Variants in PRKCH observed in about 807,000 individuals in gnomAD.
PRKCH encodes protein kinase C eta type.
A neutral mutation model predicts 82.5 loss-of-function variants in PRKCH; 28 were observed. That is an observed-to-expected ratio of 0.34 (90% CI 0.25 to 0.47). The LOEUF is 0.47. Ranked by LOEUF, PRKCH falls within the 20% of genes least tolerant of loss-of-function variation. The pLI is 1.00. For missense variants in PRKCH, 705 were observed against 881.8 expected (o/e 0.80, Z 2.54); for synonymous variants, 322 against 327.4 (o/e 0.98, Z 0.18).
chr14:61,485,384 T>C (rs1472808163), intron 9 of PRKCH, 118 bp from the exon 10 acceptor site: 30 of 1,314,510 alleles, frequency 2.3e-5, no homozygotes, highest in Admixed American at 4.3e-5. Context: ...GGATGTTTCC[T>C]GGAATACATC....
chr14:61,461,036 A>C (rs2140299829), intron 9 of PRKCH, among the ~76,000 whole-genome samples: 1 of 152,176 alleles, frequency 6.6e-6, no homozygotes, highest in East Asian at 1.9e-4. Context: ...GAGAAAAAAA[A>C]ATGGGGAGGC....
chr14:61,234,326 A>G (rs1204792543), intron 1 of PRKCH, among the ~76,000 whole-genome samples: 1 of 151,924 alleles, frequency 6.6e-6, no homozygotes, highest in Non-Finnish European at 1.5e-5. Context: ...TAAGGGGGGG[A>G]AATTGAGCTG....
intron 1 of PRKCH, among the ~76,000 whole-genome samples, chr14:61,337,994 C>T (rs75902459): frequency 0.016 from 2,483 of 152,232 alleles, 60 homozygotes; most frequent in African/African-American, 0.056. Flanking sequence ...GTCTCCTTGC[C>T]GGGCCTCCTC....
Position 61,244,663 on chromosome 14 carries a change from G to C in PRKCH, c.-19+56995G>C, listed in dbSNP as rs191370663. 3.0e-3 allele frequency among the ~76,000 whole-genome samples: 455 copies of C among 152,314 alleles called. 4 individuals carry two copies. The highest frequency in any genetic ancestry group is 0.011 in the African/African-American group (444 of 41,566). On this transcript the variant is annotated intron_variant, in intron 1 of 3. Transcript: ENST00000555185. Reference sequence around the variant, plus strand: ...GGTCCTGGAATAACTCAGAGGTTTAGTGGACTCTGGAGCCACAGTAACGGG... The same window carrying C: ...GGTCCTGGAATAACTCAGAGGTTTACTGGACTCTGGAGCCACAGTAACGGG...
intron 2 of PRKCH, among the ~76,000 whole-genome samples, chr14:61,441,727 A>AT (rs76602358): frequency 0.067 from 8,544 of 127,050 alleles, 414 homozygotes; most frequent in African/African-American, 0.14. Flanking sequence ...TCTGCTTTGT[A>AT]TTTTTTTTTT....
chr14:61,461,395 C>T (rs1885020940), intron 9 of PRKCH, among the ~76,000 whole-genome samples: 1 of 152,296 alleles, frequency 6.6e-6, no homozygotes, highest in South Asian at 2.1e-4. Context: ...TGGTTGCCCG[C>T]CGGGGTTTCA....
Position 61,219,596 on chromosome 14 carries a change from A to G in PRKCH, c.-19+31928A>G, listed in dbSNP as rs542415405. Among the ~76,000 whole-genome samples, 3 of 152,332 alleles carry G rather than the reference A, an allele frequency of 2.0e-5. No individual in the cohort carries two copies. In the South Asian group the frequency reaches 6.2e-4, roughly 32 times the overall value. On this transcript the variant is annotated intron_variant, in intron 1 of 3. Coordinates refer to the PRKCH transcript ENST00000555185. ...CTATAAGCCAGAGGCTGAATGCTTA[A>G]AATGTTGTCATTATATAGATCAGTT...
intron 1 of PRKCH, among the ~76,000 whole-genome samples, chr14:61,337,441 G>A (rs1401976632): frequency 3.3e-5 from 5 of 152,036 alleles, no homozygotes; most frequent in Admixed American, 2.6e-4. Flanking sequence ...TACAGAGATA[G>A]GATCTTACTC....
At chr14:61,206,277 C>T (rs932783139) in intron 1 of PRKCH, among the ~76,000 whole-genome samples, 4 of 152,196 alleles carry the variant, frequency 2.6e-5, no homozygotes, top group African/African-American at 7.2e-5. Flanking sequence ...GGCTGCAGTT[C>T]CTCTGAAGGC....
chr14:61,521,815 C>G lies in PRKCH; in HGVS notation c.1434-7260C>G, dbSNP rs77209328. ...GGCCCCACTCTCTAGGCACACAGCT[C>G]TGCTACCCTACTCTAAGTATAATTT... On this transcript the variant is annotated intron_variant, in intron 10 of 13. Coordinates refer to ENST00000332981, the MANE Select transcript of PRKCH (RefSeq NM_006255.5). Among the ~76,000 whole-genome samples the G allele has an allele frequency of 0.026, 3,898 of 152,194 alleles. 214 individuals are homozygous for G. The East Asian group carries it at 0.27, about 10-fold the overall frequency.
intron 3 of PRKCH, among the ~76,000 whole-genome samples, chr14:61,443,813 A>G (rs1408735838): frequency 6.6e-6 from 1 of 152,236 alleles, no homozygotes; most frequent in Non-Finnish European, 1.5e-5. Flanking sequence ...ATTTGGGGCA[A>G]TATCTTACTA....
At chr14:61,282,023 TTAAA>T (rs2045274619) in intron 1 of PRKCH, among the ~76,000 whole-genome samples, 1 of 55,584 alleles carries the variant, frequency 1.8e-5, no homozygotes, top group Admixed American at 1.8e-4. Context: ...TTCAGAGCCT[TTAAA>T]TAACTCTTAG....
chr14:61,302,298 G>T (rs2045453935), intron 1 of PRKCH, among the ~76,000 whole-genome samples: 1 of 152,080 alleles, frequency 6.6e-6, no homozygotes, highest in African/African-American at 2.4e-5. Context: ...TTCCCAGAGG[G>T]GTCCACTTCA....
chr14:61,485,365 C>A (rs1886171358), intron 9 of PRKCH, 137 bp from the exon 10 acceptor site: 1 of 1,168,952 alleles, frequency 8.6e-7, no homozygotes, highest in African/African-American at 1.5e-5. Context: ...GCACCCTGAC[C>A]CATGGTCAGG....
At chr14:61,190,314 G>A (rs1392880491) in intron 1 of PRKCH, among the ~76,000 whole-genome samples, 2 of 152,098 alleles carry the variant, frequency 1.3e-5, no homozygotes, top group East Asian at 1.9e-4. Flanking sequence ...AGGTTAGTCA[G>A]GTCTTCACAG....
chr14:61,406,154 T>C (rs1391467990), intron 2 of PRKCH, among the ~76,000 whole-genome samples: 1 of 151,444 alleles, frequency 6.6e-6, no homozygotes, highest in African/African-American at 2.4e-5. Flanking sequence ...TTGATTAAAG[T>C]TTTGGTGGCT....
At chr14:61,340,547 A>G (rs2045919117) in intron 1 of PRKCH, among the ~76,000 whole-genome samples, 2 of 152,138 alleles carry the variant, frequency 1.3e-5, no homozygotes, top group African/African-American at 4.8e-5. Context: ...TGCTTCTGGA[A>G]CTGGGGCAGG....
intron 10 of PRKCH, among the ~76,000 whole-genome samples, chr14:61,497,114 T>C (rs754546901): frequency 6.6e-6 from 1 of 152,224 alleles, no homozygotes; most frequent in South Asian, 2.1e-4. Context: ...CTTCGATTCT[T>C]TCCTTAGAAC....
At chr14:61,324,993 C>T (rs2045675354) in intron 1 of PRKCH, among the ~76,000 whole-genome samples, 1 of 152,108 alleles carries the variant, frequency 6.6e-6, no homozygotes, top group South Asian at 2.1e-4. Context: ...CAGAGAAGCT[C>T]TTAGCTGTAG....
Sources: allele counts gnomAD v4.1 joint callset (sites outside exome capture counted in the v4.1 genomes callset), GRCh38; gene constraint gnomAD v4.1.1; transcripts MANE v1.5; gene names NCBI Gene and HGNC (gene_info 2026-07-23, HGNC 2026-07-21).